The following AKAP19 variants were observed in gnomAD, a reference collection of about 807,000 sequenced individuals.
AKAP19 encodes A-kinase anchoring protein 19, also known as small A-kinase anchoring protein.
the AKAP19 span, chr2:190,181,214 G>C: frequency 2.2e-6 from 2 of 925,454 alleles, no homozygotes; most frequent in African/African-American, 1.8e-5. Flanking sequence ...AAACCCATGA[G>C]TTACAGGAGG....
At chr2:190,196,141 C>T in the AKAP19 span, among the ~76,000 whole-genome samples, 1 of 151,948 alleles carries the variant, frequency 6.6e-6, no homozygotes, top group African/African-American at 2.4e-5. Flanking sequence ...TTGTCCCTCC[C>T]CAACCCCCAA....
chr2:190,111,969 C>T, the AKAP19 span, among the ~76,000 whole-genome samples: 1 of 152,122 alleles, frequency 6.6e-6, no homozygotes, highest in South Asian at 2.1e-4. Context: ...ACGATCTCAG[C>T]TCACTGCAAG....
chr2:189,907,113 T>A, the AKAP19 span, among the ~76,000 whole-genome samples: 1 of 152,142 alleles, frequency 6.6e-6, no homozygotes, highest in Non-Finnish European at 1.5e-5. Context: ...GCCAGACCAA[T>A]CCTTGAACTA....
At chr2:189,902,607 T>G in the AKAP19 span, among the ~76,000 whole-genome samples, 885 of 152,164 alleles carry the variant, frequency 5.8e-3, 3 homozygotes, top group Middle Eastern at 0.017. Flanking sequence ...GGTATCAGTA[T>G]TAAAAGTATT....
At chr2:190,106,626 C>T in the AKAP19 span, among the ~76,000 whole-genome samples, 4 of 152,108 alleles carry the variant, frequency 2.6e-5, no homozygotes, top group Non-Finnish European at 5.9e-5. Context: ...GCCTTTATCT[C>T]TTTGATAGAG....
At chr2:190,176,487 A>G in the AKAP19 span, among the ~76,000 whole-genome samples, 1 of 152,126 alleles carries the variant, frequency 6.6e-6, no homozygotes, top group African/African-American at 2.4e-5. The surrounding 1 kb of genome is among the most constrained non-coding windows in gnomAD (Gnocchi z 4.7). Flanking sequence ...AGCTGGGATT[A>G]CAGGTGCCTG....
chr2:190,181,665 T>G, the AKAP19 span, among the ~76,000 whole-genome samples: 1 of 152,200 alleles, frequency 6.6e-6, no homozygotes, highest in African/African-American at 2.4e-5. Context: ...ACACCAGCCC[T>G]TCCCCTATCC....
At chr2:190,010,489 A>C in the AKAP19 span, among the ~76,000 whole-genome samples, 2 of 152,206 alleles carry the variant, frequency 1.3e-5, no homozygotes, top group Non-Finnish European at 2.9e-5. Flanking sequence ...ATTAATCATG[A>C]ATTTGAAAAT....
At chr2:190,115,080 A>C in the AKAP19 span, among the ~76,000 whole-genome samples, 3 of 149,264 alleles carry the variant, frequency 2.0e-5, no homozygotes, top group Admixed American at 6.7e-5. Context: ...ACCTGGAACA[A>C]AAGCCTAGGC....
chr2:189,941,893 T>C, the AKAP19 span, among the ~76,000 whole-genome samples: 1 of 152,118 alleles, frequency 6.6e-6, no homozygotes, highest in Non-Finnish European at 1.5e-5. Context: ...AGAAACAAGA[T>C]GCAACTATAT....
the AKAP19 span, among the ~76,000 whole-genome samples, chr2:189,915,593 C>T: frequency 6.6e-6 from 1 of 152,022 alleles, no homozygotes; most frequent in East Asian, 1.9e-4. Flanking sequence ...TTAAAGTGTA[C>T]AACTAATCAT....
the AKAP19 span, among the ~76,000 whole-genome samples, chr2:190,093,257 T>TCCA: frequency 1.0e-4 from 8 of 78,752 alleles, no homozygotes; most frequent in African/African-American, 1.9e-4. Flanking sequence ...ACCCCGTCTC[T>TCCA]ACTAAAAAAA....
chr2:190,017,246 T>G, the AKAP19 span, among the ~76,000 whole-genome samples: 1 of 152,156 alleles, frequency 6.6e-6, no homozygotes, highest in South Asian at 2.1e-4. Context: ...ACCATCTTTT[T>G]GTTGGAGAAT....
the AKAP19 span, among the ~76,000 whole-genome samples, chr2:189,994,176 A>G: frequency 6.2e-4 from 94 of 151,810 alleles, no homozygotes; most frequent in Non-Finnish European, 3.4e-4. Context: ...ACGCCTGGCT[A>G]ATTTTTTGTA....
the AKAP19 span, among the ~76,000 whole-genome samples, chr2:190,000,177 G>C: frequency 0.034 from 5,231 of 152,228 alleles, 287 homozygotes; most frequent in African/African-American, 0.12. Context: ...TTGAACCTCA[G>C]ACCTACTAAT....
the AKAP19 span, among the ~76,000 whole-genome samples, chr2:189,984,037 C>G: frequency 1.3e-5 from 2 of 152,038 alleles, no homozygotes; most frequent in Admixed American, 1.3e-4. Context: ...TAGAATATCA[C>G]AAGGCAAGTG....
chr2:190,067,599 ATT>A, the AKAP19 span, among the ~76,000 whole-genome samples: 2 of 152,194 alleles, frequency 1.3e-5, no homozygotes, highest in Non-Finnish European at 2.9e-5. Context: ...TTTGCAAAAT[ATT>A]TGTCAGTTCT....
chr2:190,132,927 A>G, the AKAP19 span, among the ~76,000 whole-genome samples: 1 of 152,144 alleles, frequency 6.6e-6, no homozygotes, highest in Non-Finnish European at 1.5e-5. Context: ...CAACTCAAAC[A>G]ATTCAATAGC....
the AKAP19 span, among the ~76,000 whole-genome samples, chr2:190,128,096 A>C: frequency 6.6e-6 from 1 of 152,220 alleles, no homozygotes; most frequent in Non-Finnish European, 1.5e-5. Flanking sequence ...ATACAGCTAT[A>C]TATTTTAAGA....
Sources: gnomAD v4.1 joint callset for allele counts (sites outside exome capture counted in the v4.1 genomes callset) on GRCh38, gnomAD v4.1.1 for gene constraint, Gnocchi (gnomAD v3.1) non-coding constraint, MANE v1.5 for transcripts, NCBI Gene and HGNC (gene_info 2026-07-23, HGNC 2026-07-21) for gene names.